The following CNTN5 variants were observed in gnomAD, a reference collection of about 807,000 sequenced individuals.
The protein encoded by CNTN5 is contactin-5.
A neutral mutation model predicts 129.1 loss-of-function variants in CNTN5; 77 were observed. The observed-to-expected ratio is 0.60, with a 90% CI of 0.50 to 0.72. CNTN5 has a LOEUF of 0.72. Ranked by LOEUF, CNTN5 falls within the 30% of genes least tolerant of loss-of-function variation. The pLI, the probability that CNTN5 is intolerant of heterozygous loss-of-function variation, is 0.00. For missense variants in CNTN5, 1,478 were observed against 1,328.8 expected (o/e 1.11, Z -1.75); for synonymous variants, 509 against 465.6 (o/e 1.09, Z -1.20).
chr11:99,792,573 G>GTGTCTGTCTGTCTGTC (rs1555113491), intron 3 of CNTN5, among the ~76,000 whole-genome samples: 6 of 116,612 alleles, frequency 5.1e-5, no homozygotes, highest in African/African-American at 2.2e-4. Flanking sequence ...GTGTGTGTGT[G>GTGTCTGTCTGTCTGTC]TGTCTGTCTG....
At chr11:99,872,697 A>G (rs1948533363) in intron 6 of CNTN5, among the ~76,000 whole-genome samples, 1 of 152,140 alleles carries the variant, frequency 6.6e-6, no homozygotes, top group Non-Finnish European at 1.5e-5. Context: ...TAGTCTTCCA[A>G]TAACAAGCAG....
At chr11:99,724,181 G>A (rs941155636) in intron 3 of CNTN5, among the ~76,000 whole-genome samples, 1 of 152,088 alleles carries the variant, frequency 6.6e-6, no homozygotes, top group Non-Finnish European at 1.5e-5. Context: ...TCCGTCTTAT[G>A]CCTATTGAAA....
intron 1 of CNTN5, among the ~76,000 whole-genome samples, chr11:99,033,786 C>T (rs1863534638): frequency 6.6e-6 from 1 of 152,088 alleles, no homozygotes; most frequent in Non-Finnish European, 1.5e-5. Flanking sequence ...ATTGCCCTGG[C>T]CAGAACTTCC....
chr11:99,098,660 ATTC>A (rs1222350558), intron 1 of CNTN5, among the ~76,000 whole-genome samples: 1 of 152,130 alleles, frequency 6.6e-6, no homozygotes, highest in Admixed American at 6.6e-5. Context: ...TGATTCCTGA[ATTC>A]TTCTTAAAGA....
chr11:99,537,176 G>C lies in CNTN5; in HGVS notation c.-70-18969G>C, dbSNP rs1947932405. Among the ~76,000 whole-genome samples the C allele has an allele frequency of 2.0e-5, 3 of 152,138 alleles. No individual in the cohort carries two copies. In the South Asian group the frequency reaches 6.2e-4, roughly 32 times the overall value. ...TTCAAACCTGGATGGTCTAACCACA[G>C]AGCATGAGCTCTTAAATGCAATCCT... On this transcript the variant is annotated intron_variant, in intron 2 of 24. Coordinates refer to ENST00000524871, the MANE Select transcript of CNTN5 (RefSeq NM_014361.4).
intron 3 of CNTN5, among the ~76,000 whole-genome samples, chr11:99,733,995 C>A (rs1383148297): frequency 6.6e-6 from 1 of 152,134 alleles, no homozygotes; most frequent in African/African-American, 2.4e-5. Context: ...GAGTTCTCAC[C>A]AGCAGAAATG....
intron 6 of CNTN5, among the ~76,000 whole-genome samples, chr11:99,893,712 A>G (rs1477409129): frequency 6.6e-6 from 1 of 152,204 alleles, no homozygotes; most frequent in African/African-American, 2.4e-5. Flanking sequence ...ATATGGTAAC[A>G]TATGTTCTGA....
In CNTN5 at chr11:99,896,670, C is replaced by T. The variant is rs576936767; in HGVS notation, c.578-19384C>T. 7.2e-5 allele frequency among the ~76,000 whole-genome samples: 11 copies of T among 152,272 alleles called. No individual in the cohort carries two copies. The East Asian group carries it at 2.1e-3, about 29-fold the overall frequency. ...AATTGTTGCTTCCATTGATTCTGCC[C>T]CTACCACCCCCAGGCCAGTTCAGGA... On this transcript the variant is annotated intron_variant, in intron 6 of 24. Coordinates refer to ENST00000524871, the MANE Select transcript of CNTN5 (RefSeq NM_014361.4).
At chr11:100,278,655 G>C (rs1412609535) in intron 18 of CNTN5, among the ~76,000 whole-genome samples, 1 of 151,902 alleles carries the variant, frequency 6.6e-6, no homozygotes, top group African/African-American at 2.4e-5. Context: ...TGTTGATTTT[G>C]TATCCTGAAA....
intron 3 of CNTN5, among the ~76,000 whole-genome samples, chr11:99,755,191 G>A (rs1311557797): frequency 1.3e-5 from 2 of 152,150 alleles, no homozygotes; most frequent in African/African-American, 4.8e-5. Flanking sequence ...ATAAACAGCT[G>A]TGTACAGATT....
At chr11:99,566,624 A>G (rs1456188094) in intron 3 of CNTN5, among the ~76,000 whole-genome samples, 3 of 152,236 alleles carry the variant, frequency 2.0e-5, no homozygotes, top group Non-Finnish European at 4.4e-5. Flanking sequence ...TGGCCAGCTC[A>G]TTAAAGAGGA....
chr11:99,868,911 G>T (rs1390692843), intron 6 of CNTN5, among the ~76,000 whole-genome samples: 1 of 152,070 alleles, frequency 6.6e-6, no homozygotes, highest in Non-Finnish European at 1.5e-5. Flanking sequence ...TGGGAAGAAT[G>T]GGAAAGAAAA....
In CNTN5 at chr11:99,557,155, G is replaced by A. The variant is rs1361652626; in HGVS notation, c.55+886G>A. On this transcript the variant is annotated intron_variant, in intron 3 of 24. Transcript: ENST00000524871. The stretch of plus-strand genomic sequence containing the variant: ...TTCATTTTAAACACATTTTTAATGT[G>A]TTAATTATACTAAATATATTTTTAA... Among the ~76,000 whole-genome samples, 5 of 151,018 alleles carry A rather than the reference G, an allele frequency of 3.3e-5. No homozygotes were observed. In the East Asian group the frequency reaches 9.8e-4, roughly 29 times the overall value.
intron 13 of CNTN5, among the ~76,000 whole-genome samples, chr11:100,097,899 C>T (rs925273738): frequency 6.6e-6 from 1 of 151,698 alleles, no homozygotes; most frequent in Non-Finnish European, 1.5e-5. Context: ...TTTCAATAGC[C>T]GATCAGATGA....
intron 1 of CNTN5, chr11:99,049,818 A>G (rs984203894): frequency 2.0e-5 from 3 of 152,190 alleles, no homozygotes; most frequent in African/African-American, 7.2e-5. Context: ...TCTATACAGC[A>G]CTGGTAAAAA....
At chr11:100,249,374 A>G (rs75918686) in intron 16 of CNTN5, among the ~76,000 whole-genome samples, 1,534 of 152,302 alleles carry the variant, frequency 0.01, 28 homozygotes, top group African/African-American at 0.035. Context: ...CCATGAGAAC[A>G]TGGCTTCTGC....
chr11:99,251,968 A>G (rs1443333034), intron 1 of CNTN5, among the ~76,000 whole-genome samples: 1 of 152,014 alleles, frequency 6.6e-6, no homozygotes, highest in East Asian at 1.9e-4. Flanking sequence ...GAAAACTTCT[A>G]TATGTAACTT....
At position 100,074,784 on chromosome 11, in the gene CNTN5, G is replaced by A. The variant is rs567718937; in HGVS notation, c.1580+490G>A. On this transcript the variant is annotated intron_variant, in intron 13 of 24. Transcript: ENST00000524871. Reference sequence around the variant, plus strand: ...AAAATAGTATAGGATTATTTTTAGTGCCATAGGCAAATGAGAAGTGAGCAG... The same window carrying A: ...AAAATAGTATAGGATTATTTTTAGTACCATAGGCAAATGAGAAGTGAGCAG... Among the ~76,000 whole-genome samples the A allele has an allele frequency of 3.3e-5, 5 of 152,194 alleles. No homozygotes were observed. The East Asian group carries it at 9.7e-4, about 29-fold the overall frequency.
chr11:100,304,987 T>G (rs1258559534), intron 20 of CNTN5, among the ~76,000 whole-genome samples: 2 of 151,350 alleles, frequency 1.3e-5, no homozygotes, highest in East Asian at 3.9e-4. Context: ...ACTTCTAATC[T>G]TATTCTATCC....
Sources: allele counts gnomAD v4.1 joint callset (sites outside exome capture counted in the v4.1 genomes callset), GRCh38; gene constraint gnomAD v4.1.1; transcripts MANE v1.5; gene names NCBI Gene and HGNC (gene_info 2026-07-23, HGNC 2026-07-21).